The following SRFBP1 variants were observed in gnomAD, a reference collection of about 807,000 sequenced individuals.
SRFBP1 encodes serum response factor binding protein 1, also known as serum response factor-binding protein 1.
A neutral mutation model predicts 45.5 loss-of-function variants in SRFBP1; 47 were observed. The observed-to-expected ratio is 1.03, with a 90% confidence interval of 0.82 to 1.32. SRFBP1 has a LOEUF of 1.32. Ranked by LOEUF, SRFBP1 falls within the 40% of genes most tolerant of loss-of-function variation. The pLI is 0.00. For synonymous variants in SRFBP1, 203 were observed against 166.3 expected, an observed-to-expected ratio of 1.22 and a Z score of -1.70; for missense variants, 621 against 484.6, an observed-to-expected ratio of 1.28 and a Z score of -2.64.
At chr5:122,024,244 A>T (rs918317828) in intron 7 of SRFBP1, among the ~76,000 whole-genome samples, 2 of 152,228 alleles carry the variant, frequency 1.3e-5, no homozygotes, top group Non-Finnish European at 2.9e-5. Context: ...TTGCCAAGTT[A>T]TCACTGACAA....
chr5:121,996,527 G>A (rs1752731683), intron 4 of SRFBP1, among the ~76,000 whole-genome samples: 3 of 26,504 alleles, frequency 1.1e-4, no homozygotes, highest in African/African-American at 3.5e-4. Flanking sequence ...AATAATAAGA[G>A]CTATCTATGA....
At chr5:122,022,209 G>C (rs1263908638) in intron 6 of SRFBP1, among the ~76,000 whole-genome samples, 161 bp from the exon 7 acceptor site, 1 of 152,160 alleles carries the variant, frequency 6.6e-6, no homozygotes, top group Non-Finnish European at 1.5e-5. Flanking sequence ...GTTTGATACA[G>C]CTACAACCTG....
At chr5:121,963,572 A>T (rs1476848461) in intron 1 of SRFBP1, among the ~76,000 whole-genome samples, 1 of 151,964 alleles carries the variant, frequency 6.6e-6, no homozygotes, top group African/African-American at 2.4e-5. Context: ...TTAAAATTTG[A>T]CCTTTAGGAA....
At chr5:122,074,537 G>A (rs886481364) in intron 2 of SRFBP1, among the ~76,000 whole-genome samples, 6 of 152,066 alleles carry the variant, frequency 3.9e-5, no homozygotes, top group East Asian at 1.9e-4. Context: ...GTTTCATTCC[G>A]AAAAGCAGCA....
intron 2 of SRFBP1, among the ~76,000 whole-genome samples, chr5:122,048,918 T>C (rs1753915492): frequency 6.6e-6 from 1 of 152,194 alleles, no homozygotes; most frequent in South Asian, 2.1e-4. Context: ...TTATTGCATC[T>C]ATTTGATTCT....
intron 2 of SRFBP1, chr5:122,064,175 T>C (rs545536824): frequency 1.3e-5 from 2 of 152,152 alleles, no homozygotes; most frequent in South Asian, 4.1e-4. Context: ...CTTTTTATCA[T>C]TGCCAGTTCC....
downstream of SRFBP1, chr5:122,077,668 C>T (rs201057470): frequency 5.0e-6 from 8 of 1,604,470 alleles, no homozygotes; most frequent in Non-Finnish European, 6.8e-6. The surrounding 1 kb of genome is among the most constrained non-coding windows in gnomAD (Gnocchi z 4.9). Flanking sequence ...ATGAGCCGGC[C>T]GTCCGCGTTC....
At chr5:122,049,202 C>CA (rs909354883) in intron 2 of SRFBP1, among the ~76,000 whole-genome samples, 3 of 151,682 alleles carry the variant, frequency 2.0e-5, no homozygotes, top group African/African-American at 4.8e-5. Flanking sequence ...AAATGGAAGA[C>CA]AAAAAAATGC....
chr5:122,019,155 C>T (rs1482575460), intron 4 of SRFBP1, 105 bp from the exon 5 acceptor site: 1 of 940,336 alleles, frequency 1.1e-6, no homozygotes, highest in African/African-American at 1.7e-5. Flanking sequence ...TAGTTCTATT[C>T]TCCAACTCTA....
intron 1 of SRFBP1, among the ~76,000 whole-genome samples, chr5:121,969,618 C>T (rs1044781631): frequency 7.9e-5 from 12 of 152,020 alleles, no homozygotes; most frequent in African/African-American, 1.4e-4. Context: ...ACTTTAAAGG[C>T]TTCTGTATGT....
chr5:122,025,353 G>T (rs2112714268), intron 7 of SRFBP1, among the ~76,000 whole-genome samples: 1 of 152,186 alleles, frequency 6.6e-6, no homozygotes, highest in South Asian at 2.1e-4. Flanking sequence ...TCTTAATCCA[G>T]TCTATCATTG....
chr5:122,055,226 G>A (rs1301375029), intron 2 of SRFBP1, among the ~76,000 whole-genome samples: 1 of 152,122 alleles, frequency 6.6e-6, no homozygotes, highest in Non-Finnish European at 1.5e-5. Flanking sequence ...GGTGGAAGGG[G>A]CAAACAGGCT....
intron 3 of SRFBP1, among the ~76,000 whole-genome samples, chr5:121,980,580 T>A (rs1308159670): frequency 6.6e-6 from 1 of 152,174 alleles, no homozygotes; most frequent in Non-Finnish European, 1.5e-5. Context: ...TCAAGGATAG[T>A]GATAATAGCC....
At chr5:122,058,466 A>G (rs1754119455) in intron 2 of SRFBP1, among the ~76,000 whole-genome samples, 1 of 151,954 alleles carries the variant, frequency 6.6e-6, no homozygotes, top group Non-Finnish European at 1.5e-5. Flanking sequence ...GAAGCCTCCT[A>G]GTCATCTGTA....
intron 2 of SRFBP1, among the ~76,000 whole-genome samples, chr5:122,048,197 C>A (rs1753899068): frequency 6.6e-6 from 1 of 152,078 alleles, no homozygotes; most frequent in South Asian, 2.1e-4. Flanking sequence ...GTAGATAGCT[C>A]TTATTATTTT....
intron 3 of SRFBP1, among the ~76,000 whole-genome samples, chr5:121,981,490 C>T (rs900404143): frequency 6.6e-6 from 1 of 151,732 alleles, no homozygotes; most frequent in African/African-American, 2.4e-5. Flanking sequence ...ATATACAAGA[C>T]CCTTTGTGAT....
At chr5:121,994,280 T>A (rs1387006669) in intron 3 of SRFBP1, among the ~76,000 whole-genome samples, 3 of 152,044 alleles carry the variant, frequency 2.0e-5, no homozygotes. Context: ...CTTTCTAATT[T>A]TTCCTGTTTG....
intron 1 of SRFBP1, among the ~76,000 whole-genome samples, chr5:121,965,316 G>T (rs1752039884): frequency 6.6e-6 from 1 of 152,142 alleles, no homozygotes; most frequent in African/African-American, 2.4e-5. Flanking sequence ...GGTTTTTATG[G>T]TTTTAGGTCT....
chr5:121,998,753 G>A (rs560792020), intron 4 of SRFBP1, among the ~76,000 whole-genome samples: 140 of 151,668 alleles, frequency 9.2e-4, no homozygotes, highest in Non-Finnish European at 1.8e-3. Context: ...TTTGAAAGAT[G>A]TTTTTTCACC....
Sources: gnomAD v4.1 joint callset for allele counts (sites outside exome capture counted in the v4.1 genomes callset) on GRCh38, gnomAD v4.1.1 for gene constraint, Gnocchi (gnomAD v3.1) non-coding constraint, MANE v1.5 for transcripts, NCBI Gene and HGNC (gene_info 2026-07-23, HGNC 2026-07-21) for gene names.